The following PCDH15 variants were observed in gnomAD, a reference collection of about 807,000 sequenced individuals.
The protein encoded by PCDH15 is protocadherin-15.
A neutral mutation model predicts 178.5 loss-of-function variants in PCDH15; 129 were observed. The ratio of observed to expected loss-of-function variants is 0.72; its 90% CI spans 0.63 to 0.84. The LOEUF is 0.84. Ranked by LOEUF, PCDH15 falls within the 40% of genes least tolerant of loss-of-function variation. PCDH15 has a pLI of 0.00. For synonymous variants in PCDH15, 800 were observed against 732.0 expected, an observed-to-expected ratio of 1.09 and a Z score of -1.50; for missense variants, 2,230 against 2,099.9, an observed-to-expected ratio of 1.06 and a Z score of -1.21.
intron 2 of PCDH15, among the ~76,000 whole-genome samples, chr10:54,592,854 G>T (rs939978838): frequency 6.6e-6 from 1 of 151,866 alleles, no homozygotes; most frequent in Non-Finnish European, 1.5e-5. Flanking sequence ...TTTATATTTT[G>T]AAGTTTGATA....
intron 3 of PCDH15, among the ~76,000 whole-genome samples, chr10:54,454,349 CAATTA>C (rs1020143416): frequency 8.0e-5 from 12 of 149,076 alleles, no homozygotes; most frequent in African/African-American, 2.9e-4. Flanking sequence ...TTACTGTGGG[CAATTA>C]AATCAAAGCC....
At chr10:55,242,069 T>C (rs1207016078) in intron 1 of PCDH15, among the ~76,000 whole-genome samples, 1 of 152,198 alleles carries the variant, frequency 6.6e-6, no homozygotes, top group Non-Finnish European at 1.5e-5. Flanking sequence ...TATGGAAGTA[T>C]ATAATAAAAC....
At chr10:54,540,548 G>C (rs147310706) in intron 2 of PCDH15, among the ~76,000 whole-genome samples, 19 of 152,146 alleles carry the variant, frequency 1.2e-4, no homozygotes, top group Middle Eastern at 3.4e-3. Flanking sequence ...CCCCACACCA[G>C]ATGAACTCAC....
chr10:53,998,850 G>A (rs1055539805), intron 20 of PCDH15, among the ~76,000 whole-genome samples: 12 of 151,822 alleles, frequency 7.9e-5, no homozygotes, highest in African/African-American at 2.7e-4. Context: ...TCAGGAGTTC[G>A]AGACCAGCCT....
At chr10:54,090,251 G>A (rs1294277417) in intron 15 of PCDH15, among the ~76,000 whole-genome samples, 188 bp from the exon 16 acceptor site, 2 of 152,212 alleles carry the variant, frequency 1.3e-5, no homozygotes, top group Non-Finnish European at 1.5e-5. Context: ...TTCTGAATAT[G>A]TAATCCTACC....
At position 54,413,224 on chromosome 10, in the gene PCDH15, G is replaced by A. The variant is rs181610412; in HGVS notation, c.158-34282C>T. On this transcript the variant is annotated intron_variant, in intron 3 of 37. Transcript: ENST00000644397. Reference sequence around the variant, plus strand: ...AATTTTTTAATAGACAAGTAACGAAGGGCCTTCCAATTTAATGATAATAAT... The same window carrying A: ...AATTTTTTAATAGACAAGTAACGAAAGGCCTTCCAATTTAATGATAATAAT... Among the ~76,000 whole-genome samples the A allele has an allele frequency of 8.5e-4, 129 of 152,172 alleles. 1 individual carries two copies. The highest frequency in any genetic ancestry group is 1.6e-3 in the Non-Finnish European group (106 of 67,996).
intron 2 of PCDH15, among the ~76,000 whole-genome samples, chr10:55,156,431 A>T (rs2680320): frequency 0.94 from 142,962 of 151,944 alleles, 67,537 homozygotes; most frequent in East Asian, 1. Flanking sequence ...TTGAATGGTA[A>T]GTAGTTGCTG....
At chr10:53,879,566 G>A (rs1252262068) in intron 26 of PCDH15, among the ~76,000 whole-genome samples, 1 of 151,918 alleles carries the variant, frequency 6.6e-6, no homozygotes, top group African/African-American at 2.4e-5. Flanking sequence ...TATTGTAAAA[G>A]GTATACCATT....
chr10:54,978,749 G>C (rs1479650645), intron 2 of PCDH15, among the ~76,000 whole-genome samples: 1 of 151,754 alleles, frequency 6.6e-6, no homozygotes, highest in Non-Finnish European at 1.5e-5. Context: ...CCCATAATTG[G>C]CCCCCCTCAA....
At chr10:53,998,544 T>C (rs2091964288) in intron 20 of PCDH15, among the ~76,000 whole-genome samples, 1 of 152,132 alleles carries the variant, frequency 6.6e-6, no homozygotes, top group South Asian at 2.1e-4. Flanking sequence ...AGGAATCTTT[T>C]TAATGATCAT....
At chr10:55,539,884 G>C (rs1277286079) in intron 2 of PCDH15, among the ~76,000 whole-genome samples, 1 of 151,988 alleles carries the variant, frequency 6.6e-6, no homozygotes, top group Non-Finnish European at 1.5e-5. Flanking sequence ...ATACTTTACA[G>C]ATATTAACTT....
At chr10:54,685,450 C>T (rs1311126304) in intron 1 of PCDH15, among the ~76,000 whole-genome samples, 9 of 152,206 alleles carry the variant, frequency 5.9e-5, no homozygotes, top group East Asian at 1.9e-4. Flanking sequence ...TCACCACAAA[C>T]GTGTGAGTAA....
At chr10:54,854,147 T>C (rs1329750892) in intron 3 of PCDH15, among the ~76,000 whole-genome samples, 1 of 152,130 alleles carries the variant, frequency 6.6e-6, no homozygotes, top group African/African-American at 2.4e-5. Context: ...AGGCACTGAC[T>C]CTCTGCAAGG....
intron 1 of PCDH15, among the ~76,000 whole-genome samples, chr10:55,177,581 GAATAA>G (rs1246980054): frequency 6.6e-6 from 1 of 152,168 alleles, no homozygotes; most frequent in African/African-American, 2.4e-5. Context: ...TAACGATGGG[GAATAA>G]CTTAACTGTT....
rs192353853 is a variant in PCDH15 at position 54,523,192 on chromosome 10, C to A, written c.157+4620G>T. Reference sequence around the variant, plus strand: ...GAATCTAGAAAGCAAAAACTTGGATCAATAATAAACAAAATCTTGATTCTT... The same window carrying A: ...GAATCTAGAAAGCAAAAACTTGGATAAATAATAAACAAAATCTTGATTCTT... On this transcript the variant is annotated intron_variant, in intron 3 of 37. Transcript: ENST00000644397. Among the ~76,000 whole-genome samples, 4 of 152,150 alleles carry A rather than the reference C, an allele frequency of 2.6e-5. No homozygotes were observed. The East Asian group carries it at 5.8e-4, about 22-fold the overall frequency.
At chr10:54,115,939 C>T (rs970078319) in intron 15 of PCDH15, among the ~76,000 whole-genome samples, 1 of 152,104 alleles carries the variant, frequency 6.6e-6, no homozygotes, top group Non-Finnish European at 1.5e-5. Flanking sequence ...ACCACTTAAA[C>T]TCATTAGATC....
In PCDH15 at chr10:54,779,447, T is replaced by G. The variant is rs577470846; in HGVS notation, c.-29+21478A>C. ...ACACACACATATGTGTATATATATA[T>G]ACACTCATATATGTGTGTATATATA... On this transcript the variant is annotated intron_variant, in intron 1 of 37. Transcript: ENST00000644397. 7.6e-5 allele frequency among the ~76,000 whole-genome samples: 10 copies of G among 131,950 alleles called. 1 individual carries two copies. The highest frequency in any genetic ancestry group is 2.3e-4 in the African/African-American group (8 of 35,344). 86.6% of individuals were successfully genotyped at this position (131,950 alleles called of 152,430 possible).
intron 2 of PCDH15, among the ~76,000 whole-genome samples, chr10:55,493,650 A>C (rs1210018158): frequency 6.6e-6 from 1 of 151,922 alleles, no homozygotes; most frequent in Non-Finnish European, 1.5e-5. Context: ...TCAAAAACTT[A>C]GTATCTAGCA....
At chr10:55,204,644 T>C (rs1840345646) in intron 1 of PCDH15, among the ~76,000 whole-genome samples, 1 of 152,084 alleles carries the variant, frequency 6.6e-6, no homozygotes, top group South Asian at 2.1e-4. Context: ...TGGAGAGATC[T>C]TAACTTCAGA....
Sources: gnomAD v4.1 joint callset for allele counts (sites outside exome capture counted in the v4.1 genomes callset) on GRCh38, gnomAD v4.1.1 for gene constraint, MANE v1.5 for transcripts, NCBI Gene and HGNC (gene_info 2026-07-23, HGNC 2026-07-21) for gene names.